Variants in RP1 observed in about 807,000 individuals in gnomAD.
RP1 encodes the protein RP1 axonemal microtubule associated.
RP1 carries 16 observed loss-of-function variants against 14.8 expected under a neutral mutation model. The observed-to-expected ratio is 1.08, with a 90% confidence interval of 0.73 to 1.65. The LOEUF (loss-of-function observed/expected upper bound fraction) is 1.65, where lower values mean the gene tolerates loss of function less well. Among genes scored for constraint, RP1 ranks in the 40% most tolerant of loss-of-function variants. RP1 has a pLI of 0.00. For missense variants in RP1, 2,631 were observed against 2,535.0 expected (o/e 1.04, Z -0.81); for synonymous variants, 876 against 883.6 (o/e 0.99, Z 0.15).
intron 15 of RP1, among the ~76,000 whole-genome samples, chr8:54,711,416 A>G (rs548452590): frequency 5.6e-4 from 86 of 152,356 alleles, no homozygotes; most frequent in African/African-American, 2.0e-3. Context: ...CAGCCTGTCC[A>G]TAAAGCCAGA....
intron 27 of RP1, among the ~76,000 whole-genome samples, chr8:54,858,621 G>C (rs1230163232): frequency 6.6e-6 from 1 of 151,530 alleles, no homozygotes; most frequent in Non-Finnish European, 1.5e-5. Context: ...TGTGACTGTA[G>C]AGTGGTGTCA....
At position 54,622,115 on chromosome 8, in the gene RP1, A is replaced by C. The variant is rs1460967796; in HGVS notation, c.616-2A>C. ...CAGGATAATGACTCTGGTCTCTTTT[A>C]GGTTCCCAGCCTCCAGGCAGTGATC... On this transcript the variant is annotated splice_acceptor_variant, in intron 2 of 3. Coordinates refer to ENST00000220676, the MANE Select transcript of RP1 (RefSeq NM_006269.2). LOFTEE classifies it high-confidence loss of function. The C allele has an allele frequency of 6.2e-7, 1 of 1,614,134 alleles. No homozygotes were observed. Among genetic ancestry groups the C allele is most frequent in the Admixed American group, 1.7e-5 (1 of 60,014 alleles).
chr8:54,641,655 G>T (rs1806456719), intron 3 of RP1, among the ~76,000 whole-genome samples: 1 of 152,096 alleles, frequency 6.6e-6, no homozygotes, highest in Admixed American at 6.5e-5. Context: ...TGTCCTTTGG[G>T]ATTAATATTG....
chr8:54,751,504 TAAAATAAA>T (rs1809369349), intron 19 of RP1, among the ~76,000 whole-genome samples: 1 of 152,226 alleles, frequency 6.6e-6, no homozygotes, highest in Non-Finnish European at 1.5e-5. Context: ...AAAAATGAGG[TAAAATAAA>T]CTTTCTTACT....
chr8:54,821,752 C>G (rs1209898989), intron 24 of RP1, among the ~76,000 whole-genome samples: 1 of 152,166 alleles, frequency 6.6e-6, no homozygotes, highest in Non-Finnish European at 1.5e-5. Flanking sequence ...CCAAGGGCAG[C>G]TGTTCGTTCA....
In RP1 at chr8:54,621,294, AG is replaced by A; in HGVS notation, c.330del (p.Lys111ArgfsTer5). 1 of 1,613,900 alleles carries A rather than the reference AG, an allele frequency of 6.2e-7. No homozygotes were observed. The highest frequency in any genetic ancestry group is 8.5e-7 in the Non-Finnish European group (1 of 1,180,010). ...DGESYLCSHG[R>X]KVQPVDLDKA... Reference sequence around the variant, plus strand: ...CGAGTCCTACCTATGTTCCCACGGCAGGAAGGTGCAGCCTGTAGACCTGGAC... The same window carrying A: ...CGAGTCCTACCTATGTTCCCACGGCAGAAGGTGCAGCCTGTAGACCTGGAC... On this transcript the variant is annotated frameshift_variant, in exon 2 of 4. Transcript: ENST00000220676. LOFTEE classifies it high-confidence loss of function.
At chr8:54,601,656 G>C (rs528410311) in intron 1 of RP1, among the ~76,000 whole-genome samples, 1 of 147,822 alleles carries the variant, frequency 6.8e-6, no homozygotes, top group Non-Finnish European at 1.5e-5. Flanking sequence ...AATGTTCATA[G>C]AAGTATTATC....
chr8:54,689,937 A>G (rs1052605831), intron 12 of RP1, among the ~76,000 whole-genome samples: 1 of 152,070 alleles, frequency 6.6e-6, no homozygotes, highest in Non-Finnish European at 1.5e-5. Flanking sequence ...GAATTATTTC[A>G]TAGGGGATAT....
chr8:54,644,769 A>T (rs1647483534), intron 3 of RP1, among the ~76,000 whole-genome samples: 1 of 152,170 alleles, frequency 6.6e-6, no homozygotes, highest in South Asian at 2.1e-4. Context: ...ATTCATTCAT[A>T]GTTCTGTTGG....
chr8:54,858,556 G>A (rs1177427810), intron 27 of RP1, among the ~76,000 whole-genome samples: 1 of 152,162 alleles, frequency 6.6e-6, no homozygotes, highest in African/African-American at 2.4e-5. Context: ...TGATGTTGCT[G>A]TAGAGCTGTG....
intron 24 of RP1, among the ~76,000 whole-genome samples, chr8:54,804,275 C>A (rs557428786): frequency 5.9e-5 from 9 of 151,962 alleles, no homozygotes; most frequent in Non-Finnish European, 1.0e-4. Flanking sequence ...AAGGCAACTT[C>A]TAAAAGTAAA....
At chr8:54,743,676 T>A (rs1809152962) in intron 19 of RP1, among the ~76,000 whole-genome samples, 1 of 152,190 alleles carries the variant, frequency 6.6e-6, no homozygotes. Context: ...CTTTACTTTC[T>A]GATTTGAAAA....
At position 54,585,042 on chromosome 8, in the gene RP1, T is replaced by G. The variant is rs563083915; in HGVS notation, c.-13+25722T>G. Among the ~76,000 whole-genome samples, 40 of 152,308 alleles carry G rather than the reference T, an allele frequency of 2.6e-4. 1 individual carries two copies. The South Asian group carries it at 6.6e-3, about 25-fold the overall frequency. On this transcript the variant is annotated intron_variant, in intron 1 of 22. Transcript: ENST00000636932. ...TTATGTGTGAATTTGATCCTGTCAT[T>G]AGGATGTTAGCTGGTTATTTTGCTC...
In RP1 at chr8:54,734,621, T is replaced by TA; in HGVS notation, c.2599dup (p.Thr867AsnfsTer15). On this transcript the variant is annotated frameshift_variant, in exon 18 of 23. Transcript: ENST00000636932. LOFTEE classifies it high-confidence loss of function. ...GGAAGGTGTTAGTGCTGACAGGAAA[T>TA]ACAGGAACTCAAGCCAATGTCACTC... 1 of 1,535,720 alleles carries TA rather than the reference T, an allele frequency of 6.5e-7. No individual in the cohort carries two copies. Among genetic ancestry groups the TA allele is most frequent in the East Asian group, 2.4e-5 (1 of 40,910 alleles).
chr8:54,854,965 T>G (rs1254152277), intron 26 of RP1, among the ~76,000 whole-genome samples: 1 of 152,166 alleles, frequency 6.6e-6, no homozygotes, highest in East Asian at 1.9e-4. Context: ...GTATAATGGT[T>G]TAAGTACATT....
intron 24 of RP1, among the ~76,000 whole-genome samples, chr8:54,829,198 T>C (rs1330918461): frequency 6.6e-6 from 1 of 152,170 alleles, no homozygotes; most frequent in African/African-American, 2.4e-5. Flanking sequence ...ATGCAGTGCA[T>C]GACTATATAT....
At chr8:54,658,382 T>C (rs1303298047) in intron 6 of RP1, among the ~76,000 whole-genome samples, 1 of 149,992 alleles carries the variant, frequency 6.7e-6, no homozygotes, top group African/African-American at 2.5e-5. Context: ...AAACCCCGTC[T>C]CTACTAAAAA....
downstream of RP1, among the ~76,000 whole-genome samples, chr8:54,632,322 A>G (rs1806264035): frequency 6.6e-6 from 1 of 152,228 alleles, no homozygotes. Context: ...GTTTTTGGCA[A>G]TACTATTACA....
At chr8:54,769,691 C>G in intron 22 of RP1, 6 of 1,178,182 alleles carry the variant, frequency 5.1e-6, no homozygotes, top group South Asian at 1.4e-5. Flanking sequence ...AATTAATTTT[C>G]TCTCTATTTT....
Sources: gnomAD v4.1 joint callset for allele counts (sites outside exome capture counted in the v4.1 genomes callset) on GRCh38, gnomAD v4.1.1 for gene constraint, MANE v1.5 for transcripts, NCBI Gene and HGNC (gene_info 2026-07-23, HGNC 2026-07-21) for gene names.